The following HERC6 variants were observed in gnomAD, a reference collection of about 807,000 sequenced individuals.
The protein encoded by HERC6 is probable E3 ubiquitin-protein ligase HERC6.
Under a neutral mutation model 114.5 loss-of-function variants are expected in HERC6, and 101 were observed. That is an observed-to-expected ratio of 0.88 (90% CI 0.75 to 1.04). HERC6 has a LOEUF of 1.04. Ranked by LOEUF, HERC6 falls within the 50% of genes least tolerant of loss-of-function variation. HERC6 has a pLI of 0.00. For synonymous variants in HERC6, 408 were observed against 436.2 expected, an observed-to-expected ratio of 0.94 and a Z score of 0.81; for missense variants, 1,133 against 1,230.9, an observed-to-expected ratio of 0.92 and a Z score of 1.19.
At chr4:88,413,588 A>C (rs1184651437) in intron 12 of HERC6, among the ~76,000 whole-genome samples, 1 of 152,164 alleles carries the variant, frequency 6.6e-6, no homozygotes, top group East Asian at 1.9e-4. Context: ...ATACTTTAAA[A>C]TTTTTTGCTC....
Position 88,435,784 on chromosome 4 carries a change from C to G in HERC6, c.2310C>G (p.Phe770Leu), listed in dbSNP as rs1216696415. The G allele has an allele frequency of 6.2e-7, 1 of 1,610,568 alleles. No homozygotes were observed. Among genetic ancestry groups the G allele is most frequent in the Non-Finnish European group, 8.5e-7 (1 of 1,178,038 alleles). Reference sequence around the variant, plus strand: ...GAATGCTGTGTGGACTCTCCTTATTCAATTTAAATGTTGCTAACCTTCCTT... The same window carrying G: ...GAATGCTGTGTGGACTCTCCTTATTGAATTTAAATGTTGCTAACCTTCCTT... The part of the protein sequence containing the change: ...LFGMLCGLSL[F>L]NLNVANLPFP... The change falls in exon 18 of 23, where the codon TTC becomes TTG. Residue 770 changes from phenylalanine (F) to leucine (L), a missense_variant. Around this residue, in one of 3 missense-constraint regions of HERC6, gnomAD observed 388 missense variants for 445.9 expected, o/e 0.87. Coordinates refer to ENST00000264346, the MANE Select transcript of HERC6 (RefSeq NM_017912.4).
At chr4:88,439,734 A>G in intron 20 of HERC6, 140 bp from the exon 21 acceptor site, 1 of 757,402 alleles carries the variant, frequency 1.3e-6, no homozygotes, top group Non-Finnish European at 1.9e-6. Flanking sequence ...TTTGGTCACA[A>G]TACAACATTC....
At position 88,385,449 on chromosome 4, in the gene HERC6, C is replaced by T. The variant is rs567255143; in HGVS notation, c.360-50C>T. On this transcript the variant is annotated intron_variant, in intron 2 of 22. Coordinates refer to ENST00000264346, the MANE Select transcript of HERC6 (RefSeq NM_017912.4). ...TTTTAAATATCTGTAGTCCACCGGA[C>T]AACTCGCTCTAAATAAGGATTAATC... 39 of 859,658 alleles carry T rather than the reference C, an allele frequency of 4.5e-5. No individual in the cohort carries two copies. The South Asian group carries it at 6.2e-4, about 14-fold the overall frequency. 53.3% of individuals were successfully genotyped at this position (859,658 alleles called of 1,614,324 possible).
chr4:88,397,123 T>TA lies in HERC6; in HGVS notation c.1024+136_1024+137insA, dbSNP rs1393155599. Reference sequence around the variant, plus strand: ...TTATTTTTATTTTTATTTATTTATTTTTTTTTGAGATGGAGTTTCGCTCTT... The same window carrying TA: ...TTATTTTTATTTTTATTTATTTATTTATTTTTTGAGATGGAGTTTCGCTCTT... On this transcript the variant is annotated intron_variant, in intron 7 of 22. Coordinates refer to ENST00000264346, the MANE Select transcript of HERC6 (RefSeq NM_017912.4). The TA allele has an allele frequency of 5.7e-6, 4 of 702,142 alleles. No individual in the cohort carries two copies. In the African/African-American group the frequency reaches 7.5e-5, roughly 13 times the overall value. The allele number at this position is 702,142 out of a possible 1,614,324, so 43.5% of individuals were successfully genotyped here.
chr4:88,402,187 G>T (rs368822002), intron 8 of HERC6, among the ~76,000 whole-genome samples: 4 of 151,300 alleles, frequency 2.6e-5, no homozygotes, highest in Non-Finnish European at 4.4e-5. Flanking sequence ...GTGTATGATG[G>T]TCAGAGAAGA....
chr4:88,379,224 G>A lies in HERC6; in HGVS notation c.199+104G>A, dbSNP rs1734033150. ...CCGGGTGCGGAGCGCTGGGACCCGG[G>A]TGAGGGGCGCGGGGGCCCAGGTGCA... On this transcript the variant is annotated intron_variant, in intron 1 of 22. Transcript: ENST00000264346. 1.9e-5 allele frequency: 18 copies of A among 957,626 alleles called. No homozygotes were observed. In the South Asian group the frequency reaches 3.3e-4, roughly 17 times the overall value. 59.3% of individuals were successfully genotyped at this position (957,626 alleles called of 1,614,324 possible).
intron 13 of HERC6, among the ~76,000 whole-genome samples, chr4:88,418,316 C>T (rs1318973279): frequency 1.3e-5 from 2 of 152,078 alleles, no homozygotes; most frequent in African/African-American, 4.8e-5. Flanking sequence ...AAAAAAAACC[C>T]AGAATCACAT....
At chr4:88,427,702 C>T (rs772777222) in intron 15 of HERC6, among the ~76,000 whole-genome samples, 3 of 152,188 alleles carry the variant, frequency 2.0e-5, no homozygotes, top group Non-Finnish European at 4.4e-5. Context: ...CAAACACACC[C>T]AGCCTAGGAA....
Position 88,442,362 on chromosome 4 carries a change from C to T in HERC6, c.2971C>T (p.Leu991Phe). Residue 991 changes from leucine (L) to phenylalanine (F), a missense_variant, in exon 23 of 23, where the codon CTC becomes TTC. Transcript: ENST00000264346. Reference protein sequence around the residue: ...TSITCHNILSLPKYSTMERME... With the variant: ...TSITCHNILSFPKYSTMERME... ...AATAACTTGTCATAATATTCTCTCC[C>T]TCCCTAAGTATTCTACAATGGAAAG... The T allele has an allele frequency of 2.5e-6, 4 of 1,613,692 alleles. No homozygotes were observed. Among genetic ancestry groups the T allele is most frequent in the Non-Finnish European group, 3.4e-6 (4 of 1,179,736 alleles).
chr4:88,394,772 T>C (rs2148880529), intron 5 of HERC6, among the ~76,000 whole-genome samples: 1 of 152,100 alleles, frequency 6.6e-6, no homozygotes, highest in African/African-American at 2.4e-5. Context: ...ATCAAACTCC[T>C]GACCTCAAAT....
At chr4:88,436,824 C>A in intron 18 of HERC6, 81 bp from the exon 19 acceptor site, 2 of 937,744 alleles carry the variant, frequency 2.1e-6, no homozygotes, top group South Asian at 1.6e-5. Context: ...CTATATTGTT[C>A]ACAACTTTTT....
chr4:88,384,019 A>G (rs1734453357), intron 2 of HERC6, among the ~76,000 whole-genome samples: 1 of 152,132 alleles, frequency 6.6e-6, no homozygotes, highest in Admixed American at 6.6e-5. Context: ...GCTGCAAAAG[A>G]TACAGATATA....
rs547263543 is a variant in HERC6 at position 88,392,420 on chromosome 4, G to A, written c.665-1068G>A. ...GCCCAGGCTGGTTTTGAACTCCTGC[G>A]CTCAAGTGATCCACCCGCCTCAACC... On this transcript the variant is annotated intron_variant, in intron 4 of 22. Transcript: ENST00000264346. 5.3e-4 allele frequency among the ~76,000 whole-genome samples: 81 copies of A among 151,846 alleles called. 2 individuals carry two copies. The highest frequency in any genetic ancestry group is 6.3e-4 in the South Asian group (3 of 4,800).
chr4:88,412,679 A>C (rs1272838006), intron 11 of HERC6, among the ~76,000 whole-genome samples: 1 of 152,230 alleles, frequency 6.6e-6, no homozygotes, highest in Non-Finnish European at 1.5e-5. Context: ...TACATGAGAA[A>C]ACAGAAAGAA....
chr4:88,383,494 C>G (rs1160563525), intron 2 of HERC6, 114 bp downstream of exon 2: 2 of 807,784 alleles, frequency 2.5e-6, no homozygotes, highest in Admixed American at 3.8e-5. Flanking sequence ...TGCAGTGGTT[C>G]ATGTCTGTAA....
chr4:88,390,660 G>A lies in HERC6; in HGVS notation c.445G>A (p.Val149Met), dbSNP rs750950045. Reference sequence around the variant, plus strand: ...TCTCGTCTTTGTTGTAGATAGCCAAGTGTTTTCGTGGGGAAAGAACAGCCA... The same window carrying A: ...TCTCGTCTTTGTTGTAGATAGCCAAATGTTTTCGTGGGGAAAGAACAGCCA... The part of the protein sequence containing the change: ...HSLALSKDSQ[V>M]FSWGKNSHGQ... Residue 149 changes from valine (V) to methionine (M), a missense_variant, in exon 4 of 23, where the codon GTG becomes ATG. By Grantham distance (21) the Val-to-Met change is conservative (BLOSUM62 1). Around this residue, in one of 3 missense-constraint regions of HERC6, gnomAD observed 735 missense variants for 754.0 expected, o/e 0.97. Transcript: ENST00000264346. 6.2e-7 allele frequency: 1 copy of A among 1,600,850 alleles called. No homozygotes were observed.
chr4:88,405,748 T>C (rs1735786050), intron 10 of HERC6, 135 bp downstream of exon 10: 1 of 424,740 alleles, frequency 2.4e-6, no homozygotes, highest in South Asian at 7.4e-5. Flanking sequence ...TGTAGGTTGT[T>C]ATAGAATTCT....
chr4:88,406,432 G>T (rs1735818194), intron 10 of HERC6, among the ~76,000 whole-genome samples: 1 of 152,210 alleles, frequency 6.6e-6, no homozygotes, highest in Non-Finnish European at 1.5e-5. Flanking sequence ...AGTCCCATTA[G>T]TTCTTAACCC....
At chr4:88,437,268 G>A (rs902413355) in intron 19 of HERC6, among the ~76,000 whole-genome samples, 1 of 151,930 alleles carries the variant, frequency 6.6e-6, no homozygotes, top group African/African-American at 2.4e-5. Flanking sequence ...TCTTGGCCAG[G>A]CTGGTCTCTA....
Sources: allele counts gnomAD v4.1 joint callset (sites outside exome capture counted in the v4.1 genomes callset), GRCh38; gene constraint gnomAD v4.1.1; regional missense constraint gnomAD v4.1.1; transcripts MANE v1.5; gene names NCBI Gene and HGNC (gene_info 2026-07-23, HGNC 2026-07-21).